PCBD2: variants seen among roughly 807,000 people sequenced by gnomAD.
PCBD2 encodes pterin-4 alpha-carbinolamine dehydratase 2.
A neutral mutation model predicts 16.4 loss-of-function variants in PCBD2; 12 were observed. The observed-to-expected ratio is 0.73, with a 90% CI of 0.47 to 1.19. PCBD2 has a LOEUF of 1.19. Among genes scored for constraint, PCBD2 ranks in the 50% most tolerant of loss-of-function variants. PCBD2 has a pLI of 0.00. For missense variants in PCBD2, 138 were observed against 156.8 expected (o/e 0.88, Z 0.64); for synonymous variants, 58 against 61.8 (o/e 0.94, Z 0.29).
intron 3 of PCBD2, 135 bp from the exon 4 acceptor site, chr5:134,960,448 TGTA>T: frequency 1.6e-6 from 1 of 637,882 alleles, no homozygotes; most frequent in Non-Finnish European, 2.7e-6. Context: ...TTATTCATAA[TGTA>T]GTATTTTCTA....
intron 1 of PCBD2, chr5:134,908,908 C>G (rs1231143798): frequency 6.6e-6 from 1 of 152,012 alleles, no homozygotes; most frequent in African/African-American, 2.4e-5. Flanking sequence ...GCAGCTTAGC[C>G]CACAGTTGCC....
intron 3 of PCBD2, among the ~76,000 whole-genome samples, chr5:134,959,368 A>C (rs1751449006): frequency 1.3e-5 from 2 of 152,222 alleles, no homozygotes; most frequent in South Asian, 4.1e-4. Context: ...GGGCCAAATG[A>C]GGCTCCTGAA....
intron 1 of PCBD2, among the ~76,000 whole-genome samples, chr5:134,907,642 A>C (rs537938111): frequency 6.6e-6 from 1 of 151,532 alleles, no homozygotes; most frequent in Non-Finnish European, 1.5e-5. Flanking sequence ...TTTTTAATTG[A>C]GTCGGAGTTT....
intron 1 of PCBD2, 159 bp downstream of exon 1, chr5:134,905,382 T>C (rs902214385): frequency 7.4e-6 from 4 of 538,830 alleles, no homozygotes; most frequent in Non-Finnish European, 8.3e-6. Flanking sequence ...ACTGACCACC[T>C]GTCCGGTGCG....
At chr5:134,955,104 A>G (rs2149540601) in intron 2 of PCBD2, among the ~76,000 whole-genome samples, 1 of 151,746 alleles carries the variant, frequency 6.6e-6, no homozygotes, top group East Asian at 1.9e-4. Context: ...GGATTTTTTA[A>G]TCTTCCGAGT....
intron 1 of PCBD2, among the ~76,000 whole-genome samples, chr5:134,909,410 C>T (rs1003550748): frequency 6.6e-6 from 1 of 152,204 alleles, no homozygotes; most frequent in Non-Finnish European, 1.5e-5. Context: ...GATTGGTTTT[C>T]ATTAGATGTG....
In PCBD2 at chr5:134,960,868, G is replaced by T; in HGVS notation, c.*187G>T. 2 of 482,664 alleles carry T rather than the reference G, an allele frequency of 4.1e-6. No individual in the cohort carries two copies. Among genetic ancestry groups the T allele is most frequent in the Non-Finnish European group, 7.4e-6 (2 of 271,338 alleles). The allele number at this position is 482,664 out of a possible 1,614,324, so 29.9% of individuals were successfully genotyped here. ...TGTAACCTCCGCCTCCCAGGTTCAG[G>T]TGATTCTCCTGCCTCAGCCTCCTGA... On this transcript the variant is annotated 3_prime_UTR_variant, in exon 4 of 4. Coordinates refer to ENST00000254908, the MANE Select transcript of PCBD2 (RefSeq NM_032151.5).
intron 2 of PCBD2, among the ~76,000 whole-genome samples, chr5:134,915,436 ATTTTTTTTT>A (rs760173801): frequency 6.1e-5 from 7 of 114,204 alleles, no homozygotes; most frequent in East Asian, 2.5e-4. Flanking sequence ...TGGGCCTCTA[ATTTTTTTTT>A]TTTTTTTTTT....
At chr5:134,919,858 G>A (rs1318227202) in intron 2 of PCBD2, among the ~76,000 whole-genome samples, 1 of 152,104 alleles carries the variant, frequency 6.6e-6, no homozygotes, top group African/African-American at 2.4e-5. Context: ...AATAGCTTTC[G>A]GGTTTGCACT....
At position 134,947,389 on chromosome 5, in the gene PCBD2, A is replaced by ATTT. The variant is rs1220114582; in HGVS notation, c.217-11631_217-11629dup. Among the ~76,000 whole-genome samples the ATTT allele has an allele frequency of 2.6e-3, 271 of 103,012 alleles. 2 individuals are homozygous for ATTT. Among genetic ancestry groups the ATTT allele is most frequent in the African/African-American group, 3.3e-3 (86 of 25,948 alleles). 67.6% of individuals were successfully genotyped at this position (103,012 alleles called of 152,430 possible). On this transcript the variant is annotated intron_variant, in intron 2 of 3. Coordinates refer to ENST00000254908, the MANE Select transcript of PCBD2 (RefSeq NM_032151.5). Reference sequence around the variant, plus strand: ...GTTACAGCCATCGCGCCCGGCCTCAATTTTTTTTTTTTTTTTTTTTTTGAG... The same window carrying ATTT: ...GTTACAGCCATCGCGCCCGGCCTCAATTTTTTTTTTTTTTTTTTTTTTTTTGAG...
intron 2 of PCBD2, among the ~76,000 whole-genome samples, chr5:134,931,120 G>A (rs546041380): frequency 2.0e-5 from 3 of 152,072 alleles, no homozygotes; most frequent in Admixed American, 1.3e-4. Context: ...GGGTTTCACC[G>A]TGTTAGCCAG....
intron 2 of PCBD2, among the ~76,000 whole-genome samples, chr5:134,941,182 A>G (rs1043505746): frequency 5.9e-5 from 9 of 151,692 alleles, no homozygotes; most frequent in East Asian, 5.8e-4. Flanking sequence ...ATCTTTCCAC[A>G]GCACACACTG....
At chr5:134,928,704 G>A (rs1336345845) in intron 2 of PCBD2, among the ~76,000 whole-genome samples, 1 of 152,110 alleles carries the variant, frequency 6.6e-6, no homozygotes, top group Non-Finnish European at 1.5e-5. Context: ...GCGTGGTGGC[G>A]GGCGCCTGTA....
chr5:134,921,920 G>A (rs2149532183), intron 2 of PCBD2, among the ~76,000 whole-genome samples: 1 of 152,270 alleles, frequency 6.6e-6, no homozygotes, highest in South Asian at 2.1e-4. Context: ...TAATCTCACT[G>A]CCTTCCAATT....
chr5:134,934,900 A>G, intron 2 of PCBD2, among the ~76,000 whole-genome samples: 1 of 152,234 alleles, frequency 6.6e-6, no homozygotes, highest in East Asian at 1.9e-4. Flanking sequence ...ACTGTTAAAA[A>G]ACATCTAGAT....
In PCBD2 at chr5:134,962,369, C is replaced by T. The variant is rs967905704; in HGVS notation, c.*1688C>T. Among the ~76,000 whole-genome samples, 3 of 152,080 alleles carry T rather than the reference C, an allele frequency of 2.0e-5. No individual in the cohort carries two copies. Among genetic ancestry groups the T allele is most frequent in the Non-Finnish European group, 4.4e-5 (3 of 68,022 alleles). On this transcript the variant is annotated 3_prime_UTR_variant, in exon 4 of 4. Transcript: ENST00000254908. ...TTGGCCTCTCAAAATGTTGGGATTA[C>T]AGGTGTGAGCCACTGTGTCATAACA... is the stretch of plus-strand genomic sequence containing the variant.
rs568013223 is a variant in PCBD2 at position 134,906,886 on chromosome 5, C to T, written c.84+1663C>T. On this transcript the variant is annotated intron_variant, in intron 1 of 3. Transcript: ENST00000254908. Reference sequence around the variant, plus strand: ...TCTCTTCAAATCCTAGCCTACCCCCCATCCCCTGAAAAAATTAAGCCCACC... The same window carrying T: ...TCTCTTCAAATCCTAGCCTACCCCCTATCCCCTGAAAAAATTAAGCCCACC... Among the ~76,000 whole-genome samples, 5 of 152,342 alleles carry T rather than the reference C, an allele frequency of 3.3e-5. No individual in the cohort carries two copies. The South Asian group carries it at 6.2e-4, about 19-fold the overall frequency.
At chr5:134,955,612 A>G (rs765515838) in intron 2 of PCBD2, among the ~76,000 whole-genome samples, 1 of 152,274 alleles carries the variant, frequency 6.6e-6, no homozygotes, top group East Asian at 1.9e-4. Context: ...CCAGCCAACA[A>G]TGATCTTTAT....
chr5:134,929,945 C>G (rs944777764), intron 2 of PCBD2, among the ~76,000 whole-genome samples: 26 of 152,174 alleles, frequency 1.7e-4, no homozygotes, highest in Admixed American at 1.4e-3. Context: ...CCTCCCACCC[C>G]ACCCTCTCAA....
Sources: allele counts gnomAD v4.1 joint callset (sites outside exome capture counted in the v4.1 genomes callset), GRCh38; gene constraint gnomAD v4.1.1; transcripts MANE v1.5; gene names NCBI Gene and HGNC (gene_info 2026-07-23, HGNC 2026-07-21).